Variants in DYNLL1 observed in about 807,000 individuals in gnomAD.
The protein encoded by DYNLL1 is dynein light chain LC8-type 1.
DYNLL1 carries 3 observed loss-of-function variants against 10.1 expected under a neutral mutation model. That is an observed-to-expected ratio of 0.30 (90% CI 0.14 to 0.77). The LOEUF is 0.77. Ranked by LOEUF, DYNLL1 falls within the 30% of genes least tolerant of loss-of-function variation. The pLI is 0.66. For missense variants in DYNLL1, 47 were observed against 111.7 expected (o/e 0.42, Z 2.61); for synonymous variants, 46 against 41.2 (o/e 1.12, Z -0.45).
intron 1 of DYNLL1, among the ~76,000 whole-genome samples, chr12:120,482,175 C>T (rs1223233293): frequency 2.0e-5 from 3 of 152,162 alleles, no homozygotes; most frequent in African/African-American, 7.2e-5. Context: ...GTCTCAGTTG[C>T]ACACTTGGGA....
At chr12:120,473,228 A>G (rs1878686684) in intron 1 of DYNLL1, among the ~76,000 whole-genome samples, 1 of 152,158 alleles carries the variant, frequency 6.6e-6, no homozygotes. Flanking sequence ...AAGAACCAGT[A>G]GGAGTTAACC....
upstream of DYNLL1, among the ~76,000 whole-genome samples, chr12:120,494,485 A>T (rs749287748): frequency 3.3e-5 from 5 of 151,982 alleles, no homozygotes; most frequent in Non-Finnish European, 7.4e-5. Flanking sequence ...CATGTTGATC[A>T]GGCTGGTCTC....
chr12:120,487,866 T>C (rs1234523907), intron 1 of DYNLL1, among the ~76,000 whole-genome samples: 2 of 152,136 alleles, frequency 1.3e-5, no homozygotes, highest in Non-Finnish European at 2.9e-5. Context: ...AAAACAATAC[T>C]TGAAGTCACT....
At chr12:120,470,901 T>C (rs192288090) in intron 1 of DYNLL1, among the ~76,000 whole-genome samples, 265 of 152,086 alleles carry the variant, frequency 1.7e-3, no homozygotes, top group African/African-American at 5.7e-3. Flanking sequence ...AAAAATTAGC[T>C]GGGCGTGGTG....
In DYNLL1 at chr12:120,496,484, G is replaced by A. The variant is rs371347212; in HGVS notation, c.63G>A (p.Ser21=). ...ADMSEEMQQD[S]VECATQALEK... ...TGTCGGAAGAGATGCAACAGGACTC[G>A]GTGGAGTGCGCTACTCAGGCGCTGG... Residue 21 remains serine (S), a synonymous_variant, in exon 2 of 3, where the codon TCG becomes TCA. Coordinates refer to ENST00000242577, the MANE Select transcript of DYNLL1 (RefSeq NM_003746.3). 1.2e-6 allele frequency: 2 copies of A among 1,614,214 alleles called. No individual in the cohort carries two copies. Among genetic ancestry groups the A allele is most frequent in the Admixed American group, 1.7e-5 (1 of 60,030 alleles).
chr12:120,481,305 C>T (rs1878875091), intron 1 of DYNLL1, among the ~76,000 whole-genome samples: 1 of 152,258 alleles, frequency 6.6e-6, no homozygotes, highest in African/African-American at 2.4e-5. Flanking sequence ...AGTTCTGACA[C>T]TAACTACCCA....
At chr12:120,489,907 C>T (rs1363385671) in intron 1 of DYNLL1, among the ~76,000 whole-genome samples, 1 of 152,158 alleles carries the variant, frequency 6.6e-6, no homozygotes, top group Non-Finnish European at 1.5e-5. Flanking sequence ...GCTGCCACGC[C>T]CAGCTAATTT....
chr12:120,476,541 T>G lies in DYNLL1; in HGVS notation c.-7+6437T>G, dbSNP rs992137990. Among the ~76,000 whole-genome samples, 4 of 152,182 alleles carry G rather than the reference T, an allele frequency of 2.6e-5. No individual in the cohort carries two copies. In the South Asian group the frequency reaches 8.3e-4, roughly 31 times the overall value. On this transcript the variant is annotated intron_variant, in intron 1 of 2. Transcript: ENST00000392509. ...TTCTTTTGTAATTCCATCCTTCTCATGGGCTGCCAGTCTGTCTTGTTGTGA... is the reference window on the plus strand; with the variant it reads ...TTCTTTTGTAATTCCATCCTTCTCAGGGGCTGCCAGTCTGTCTTGTTGTGA...
At chr12:120,471,852 C>T (rs1028701471) in intron 1 of DYNLL1, among the ~76,000 whole-genome samples, 1 of 152,126 alleles carries the variant, frequency 6.6e-6, no homozygotes, top group African/African-American at 2.4e-5. Flanking sequence ...ACCTCGTGAT[C>T]CGCCTGCCTC....
chr12:120,471,191 C>T (rs1878641824), intron 1 of DYNLL1, among the ~76,000 whole-genome samples: 1 of 150,052 alleles, frequency 6.7e-6, no homozygotes, highest in African/African-American at 2.5e-5. Flanking sequence ...TGGCAAGACC[C>T]GCCCCCCTAC....
At chr12:120,470,526 G>C (rs1484755061) in intron 1 of DYNLL1, among the ~76,000 whole-genome samples, 1 of 152,168 alleles carries the variant, frequency 6.6e-6, no homozygotes, top group African/African-American at 2.4e-5. Context: ...GAGTGCAATG[G>C]CGCGAACACG....
At chr12:120,474,856 G>C (rs1421458068) in intron 1 of DYNLL1, among the ~76,000 whole-genome samples, 3 of 152,190 alleles carry the variant, frequency 2.0e-5, no homozygotes, top group East Asian at 1.9e-4. Context: ...TGGGAAACGT[G>C]TTCCTGGTCA....
chr12:120,477,622 A>T (rs1258536983), intron 1 of DYNLL1, among the ~76,000 whole-genome samples: 1 of 151,784 alleles, frequency 6.6e-6, no homozygotes, highest in Non-Finnish European at 1.5e-5. Context: ...ATAAATAAAT[A>T]AAAAAAGCTG....
chr12:120,487,272 C>CTTTTTTT lies in DYNLL1; in HGVS notation c.-6-9112_-6-9106dup, dbSNP rs71076619. 7.9e-5 allele frequency among the ~76,000 whole-genome samples: 4 copies of CTTTTTTT among 50,416 alleles called. 1 individual carries two copies. The highest frequency in any genetic ancestry group is 3.5e-4 in the African/African-American group (4 of 11,360). The allele number at this position is 50,416 out of a possible 152,430, so 33.1% of individuals were successfully genotyped here. On this transcript the variant is annotated intron_variant, in intron 1 of 2. Coordinates refer to the DYNLL1 transcript ENST00000392509. ...ACAGGCGTAAGCCACCGTGCCCGGC[C>CTTTTTTT]TTTTTTTTTTTTTTTTTTTTTTTTT...
chr12:120,496,745 T>C (rs1360911287), intron 2 of DYNLL1, 192 bp downstream of exon 2: 1 of 741,396 alleles, frequency 1.3e-6, no homozygotes, highest in Admixed American at 3.1e-5. Flanking sequence ...TCCGAAGTTT[T>C]TTTTTTTTTT....
At chr12:120,470,777 G>A (rs1190108004) in intron 1 of DYNLL1, among the ~76,000 whole-genome samples, 2 of 151,946 alleles carry the variant, frequency 1.3e-5, no homozygotes, top group East Asian at 3.9e-4. Flanking sequence ...GGGTGCGGTG[G>A]CTCACGCCTG....
intron 1 of DYNLL1, among the ~76,000 whole-genome samples, chr12:120,470,931 G>A (rs1047504846): frequency 1.3e-5 from 2 of 152,204 alleles, no homozygotes; most frequent in Middle Eastern, 6.8e-3. Context: ...TATAATCCCA[G>A]TTACGCGGGA....
chr12:120,496,777 G>A (rs975225685), intron 2 of DYNLL1: 4 of 650,414 alleles, frequency 6.1e-6, no homozygotes, highest in Non-Finnish European at 1.0e-5. Context: ...CCAGCTCCGC[G>A]GGGGGAAAGC....
chr12:120,473,288 G>C (rs1433380805), intron 1 of DYNLL1, among the ~76,000 whole-genome samples: 1 of 152,164 alleles, frequency 6.6e-6, no homozygotes, highest in Non-Finnish European at 1.5e-5. Flanking sequence ...CATGACTGCT[G>C]AGTGCAGTGG....
Sources: gnomAD v4.1 joint callset for allele counts (sites outside exome capture counted in the v4.1 genomes callset) on GRCh38, gnomAD v4.1.1 for gene constraint, MANE v1.5 for transcripts, NCBI Gene and HGNC (gene_info 2026-07-23, HGNC 2026-07-21) for gene names.